Variants in DLC1 observed in about 807,000 individuals in gnomAD.
The protein encoded by DLC1 is rho GTPase-activating protein 7.
A neutral mutation model predicts 140.3 loss-of-function variants in DLC1; 54 were observed. That is an observed-to-expected ratio of 0.38 (90% CI 0.31 to 0.48). The LOEUF (loss-of-function observed/expected upper bound fraction) is 0.48, where lower values mean the gene tolerates loss of function less well. Ranked by LOEUF, DLC1 falls within the 20% of genes least tolerant of loss-of-function variation. The probability of loss-of-function intolerance (pLI) is 0.96; values close to 1 mark genes in which losing one functional copy is unlikely to be tolerated. For synonymous variants in DLC1, 986 were observed against 728.1 expected (o/e 1.35, Z -5.70); for missense variants, 2,536 against 1,907.0 (o/e 1.33, Z -6.14).
chr8:13,427,491 G>T (rs1838647050), intron 2 of DLC1, among the ~76,000 whole-genome samples: 2 of 152,162 alleles, frequency 1.3e-5, no homozygotes, highest in South Asian at 4.1e-4. Context: ...CATAGATGAA[G>T]ATTTAAAAGC....
intron 2 of DLC1, among the ~76,000 whole-genome samples, chr8:13,487,484 G>C (rs1801023154): frequency 6.6e-6 from 1 of 151,964 alleles, no homozygotes; most frequent in Non-Finnish European, 1.5e-5. Context: ...CTCCAAGTTT[G>C]TCCCATAACA....
Position 13,091,452 on chromosome 8 carries a change from G to A in DLC1, c.3741-20C>T, listed in dbSNP as rs374216590. On this transcript the variant is annotated intron_variant, in intron 13 of 17. Coordinates refer to ENST00000276297, the MANE Select transcript of DLC1 (RefSeq NM_182643.3). ...ATTACCCTAGGTAGAAGAAATACAGGAGGGGAACAGTTCAAATATTTATAT... is the reference window on the plus strand; with the variant it reads ...ATTACCCTAGGTAGAAGAAATACAGAAGGGGAACAGTTCAAATATTTATAT... 6.3e-7 allele frequency: 1 copy of A among 1,593,570 alleles called. No homozygotes were observed. Among genetic ancestry groups the A allele is most frequent in the Non-Finnish European group, 8.6e-7 (1 of 1,164,208 alleles).
At chr8:13,522,158 G>C (rs79217369) in intron 1 of DLC1, among the ~76,000 whole-genome samples, 1 of 152,120 alleles carries the variant, frequency 6.6e-6, no homozygotes, top group Non-Finnish European at 1.5e-5. Context: ...TGCGCAGTGG[G>C]GTATGGCATC....
chr8:13,213,767 TTTATG>T (rs1472984542), intron 5 of DLC1, among the ~76,000 whole-genome samples: 2 of 151,914 alleles, frequency 1.3e-5, no homozygotes, highest in Admixed American at 6.6e-5. Flanking sequence ...TTCATAAGTG[TTTATG>T]TTATGTTTGT....
At chr8:13,424,174 C>T (rs1413944114) in intron 2 of DLC1, among the ~76,000 whole-genome samples, 1 of 152,038 alleles carries the variant, frequency 6.6e-6, no homozygotes, top group Non-Finnish European at 1.5e-5. Flanking sequence ...AACTCATTGT[C>T]CTACCTGGAA....
chr8:13,333,989 GA>G (rs1833710356), intron 4 of DLC1, among the ~76,000 whole-genome samples: 1 of 152,140 alleles, frequency 6.6e-6, no homozygotes, highest in African/African-American at 2.4e-5. Context: ...TTCCAGTGGG[GA>G]AGATTGCCTA....
chr8:13,260,303 C>G (rs1310677908), intron 5 of DLC1, among the ~76,000 whole-genome samples: 1 of 152,112 alleles, frequency 6.6e-6, no homozygotes, highest in Non-Finnish European at 1.5e-5. Context: ...TCAGAAGATC[C>G]TAACTTTAGG....
chr8:13,147,443 A>T (rs547156548), intron 5 of DLC1, among the ~76,000 whole-genome samples: 2 of 152,282 alleles, frequency 1.3e-5, no homozygotes, highest in South Asian at 4.2e-4. Context: ...TCGAATCTGA[A>T]AACTGGAAAA....
chr8:13,491,107 T>A (rs72603982), intron 2 of DLC1, among the ~76,000 whole-genome samples: 15,908 of 148,204 alleles, frequency 0.11, 1,075 homozygotes, highest in South Asian at 0.25. Context: ...ATATTTTTTA[T>A]ATATATATTC....
Position 13,367,531 on chromosome 8 carries a change from TACAACA to T in DLC1, c.1314+26016_1314+26021del, listed in dbSNP as rs372607133. ...TTTTTGTACAACCTTGTTTCTTGAT[TACAACA>T]ACAACAACAAAACAAAATAAGACAA... On this transcript the variant is annotated intron_variant, in intron 4 of 17. Transcript: ENST00000276297. Among the ~76,000 whole-genome samples, 421 of 152,264 alleles carry T rather than the reference TACAACA, an allele frequency of 2.8e-3. 2 individuals are homozygous for T. The highest frequency in any genetic ancestry group is 9.9e-3 in the African/African-American group (411 of 41,572).
At chr8:13,477,410 G>C (rs1800483078) in intron 2 of DLC1, among the ~76,000 whole-genome samples, 1 of 152,162 alleles carries the variant, frequency 6.6e-6, no homozygotes, top group Non-Finnish European at 1.5e-5. Context: ...GGGAGACCAG[G>C]AGCACGGATG....
chr8:13,407,052 T>C (rs1351463336), intron 2 of DLC1, among the ~76,000 whole-genome samples: 3 of 152,212 alleles, frequency 2.0e-5, no homozygotes, highest in Non-Finnish European at 2.9e-5. Context: ...AAATTTCCAC[T>C]TGTGTCTCTT....
intron 1 of DLC1, among the ~76,000 whole-genome samples, chr8:13,587,468 G>C (rs1805364100): frequency 6.6e-6 from 1 of 150,952 alleles, no homozygotes; most frequent in South Asian, 2.1e-4. Context: ...TTTGTTTGAA[G>C]AGCTTTATAG....
chr8:13,237,240 T>TACAC (rs201246253), intron 5 of DLC1, among the ~76,000 whole-genome samples: 1 of 131,042 alleles, frequency 7.6e-6, no homozygotes, highest in Non-Finnish European at 1.7e-5. Flanking sequence ...TATATATATA[T>TACAC]ACACACACAC....
At chr8:13,207,738 C>G (rs1827741793) in intron 5 of DLC1, among the ~76,000 whole-genome samples, 2 of 152,064 alleles carry the variant, frequency 1.3e-5, no homozygotes, top group South Asian at 4.2e-4. Flanking sequence ...GCTGTCACAC[C>G]TGGGGGAGGT....
At chr8:13,414,710 G>A (rs1169805769) in intron 2 of DLC1, among the ~76,000 whole-genome samples, 1 of 152,182 alleles carries the variant, frequency 6.6e-6, no homozygotes, top group Non-Finnish European at 1.5e-5. Context: ...TTTTGCAGAT[G>A]TGAGTTAAAG....
At chr8:13,588,583 A>C (rs1230926742) in intron 1 of DLC1, among the ~76,000 whole-genome samples, 1 of 152,150 alleles carries the variant, frequency 6.6e-6, no homozygotes, top group Non-Finnish European at 1.5e-5. Context: ...ATAATACAGC[A>C]ATAAAATTAA....
intron 4 of DLC1, among the ~76,000 whole-genome samples, chr8:13,386,980 A>G (rs571176409): frequency 6.6e-6 from 1 of 152,108 alleles, no homozygotes; most frequent in Non-Finnish European, 1.5e-5. Flanking sequence ...CAAAAGCAAG[A>G]CATCAAAAGA....
chr8:13,436,599 A>T (rs1028978569), intron 2 of DLC1, among the ~76,000 whole-genome samples: 1 of 152,022 alleles, frequency 6.6e-6, no homozygotes, highest in Non-Finnish European at 1.5e-5. Flanking sequence ...ACAGTTTTTT[A>T]TTTTTTTAAG....
Sources: gnomAD v4.1 joint callset for allele counts (sites outside exome capture counted in the v4.1 genomes callset) on GRCh38, gnomAD v4.1.1 for gene constraint, MANE v1.5 for transcripts, NCBI Gene and HGNC (gene_info 2026-07-23, HGNC 2026-07-21) for gene names.